The following RMND1 variants were observed in gnomAD, a reference collection of about 807,000 sequenced individuals.
The protein encoded by RMND1 is required for meiotic nuclear division protein 1 homolog.
In RMND1, 41 loss-of-function variants were observed where a neutral mutation model predicts 54.0. The observed-to-expected ratio is 0.76, with a 90% CI of 0.59 to 0.98. The LOEUF is 0.98. Ranked by LOEUF, RMND1 falls within the 50% of genes least tolerant of loss-of-function variation. The pLI, the probability that RMND1 is intolerant of heterozygous loss-of-function variation, is 0.00. For synonymous variants in RMND1, 183 were observed against 181.7 expected (o/e 1.01, Z -0.06); for missense variants, 457 against 532.0 (o/e 0.86, Z 1.39).
At chr6:151,442,563 C>CT (rs1320677215) in intron 2 of RMND1, among the ~76,000 whole-genome samples, 2 of 152,194 alleles carry the variant, frequency 1.3e-5, no homozygotes, top group African/African-American at 4.8e-5. Flanking sequence ...GGGCCTCACT[C>CT]TGTCGCCCAG....
intron 1 of RMND1, among the ~76,000 whole-genome samples, chr6:151,450,793 G>C (rs1023593732): frequency 4.6e-5 from 7 of 152,170 alleles, no homozygotes; most frequent in Non-Finnish European, 1.0e-4. Flanking sequence ...TGAGAAATCG[G>C]ATGGTTGCCG....
intron 10 of RMND1, among the ~76,000 whole-genome samples, chr6:151,413,329 C>T (rs1779913325): frequency 1.3e-5 from 2 of 152,154 alleles, no homozygotes; most frequent in African/African-American, 4.8e-5. Context: ...TCAGCTCAGT[C>T]CAACCTCTGC....
At chr6:151,412,510 T>C (rs1779877364) in intron 10 of RMND1, among the ~76,000 whole-genome samples, 1 of 152,182 alleles carries the variant, frequency 6.6e-6, no homozygotes, top group African/African-American at 2.4e-5. Flanking sequence ...GTGATTAGGT[T>C]GCAAAAGACT....
intron 10 of RMND1, among the ~76,000 whole-genome samples, chr6:151,407,616 G>C (rs1779671960): frequency 6.6e-6 from 1 of 152,090 alleles, no homozygotes; most frequent in Non-Finnish European, 1.5e-5. Flanking sequence ...GTGCAAGCAA[G>C]AGTCCCTATG....
At chr6:151,413,131 G>A (rs999444906) in intron 10 of RMND1, among the ~76,000 whole-genome samples, 1 of 152,294 alleles carries the variant, frequency 6.6e-6, no homozygotes. Flanking sequence ...CAATAACCAC[G>A]AGTGAACTAG....
intron 3 of RMND1, among the ~76,000 whole-genome samples, chr6:151,435,185 G>A (rs375800557): frequency 1.1e-4 from 16 of 149,376 alleles, no homozygotes; most frequent in African/African-American, 3.9e-4. Flanking sequence ...TCACTCTGTC[G>A]CCCAGGTTGG....
chr6:151,410,131 T>C (rs904883901), intron 10 of RMND1, among the ~76,000 whole-genome samples: 4 of 151,394 alleles, frequency 2.6e-5, no homozygotes, highest in Non-Finnish European at 5.9e-5. Context: ...CTCCGCTCAC[T>C]GCAAGCTCTC....
chr6:151,436,842 A>G, intron 2 of RMND1: 1 of 248,500 alleles, frequency 4.0e-6, no homozygotes, highest in Non-Finnish European at 7.9e-6. Context: ...TCTCAAGCAC[A>G]GATTGAATGC....
chr6:151,423,747 T>A, intron 6 of RMND1, 116 bp from the exon 7 acceptor site: 1 of 713,318 alleles, frequency 1.4e-6, no homozygotes, highest in Non-Finnish European at 2.5e-6. Flanking sequence ...GTATCAAGAG[T>A]GTTACAAATG....
intron 10 of RMND1, chr6:151,408,651 G>A (rs922386980): frequency 5.9e-5 from 9 of 152,206 alleles, no homozygotes; most frequent in Non-Finnish European, 1.2e-4. Flanking sequence ...ACCTTAAGAT[G>A]AGATAATCCT....
chr6:151,430,623 G>A (rs2114950094), intron 4 of RMND1, among the ~76,000 whole-genome samples: 1 of 152,330 alleles, frequency 6.6e-6, no homozygotes, highest in Non-Finnish European at 1.5e-5. Flanking sequence ...TTAAGCATCA[G>A]ATGGTTAAAG....
chr6:151,449,892 C>T (rs1228191869), intron 1 of RMND1, among the ~76,000 whole-genome samples: 3 of 152,240 alleles, frequency 2.0e-5, no homozygotes, highest in Non-Finnish European at 4.4e-5. Flanking sequence ...CGCGAGTGAT[C>T]TGCCAGCCTC....
intron 9 of RMND1, chr6:151,420,958 AAT>A (rs1780133906): frequency 4.6e-6 from 1 of 217,170 alleles, no homozygotes; most frequent in African/African-American, 2.3e-5. Flanking sequence ...CAAATTCAGG[AAT>A]ATGTCTTTCT....
rs187274036 is a variant in RMND1, at chr6:151,434,503, A to G, written c.614-1273T>C. On this transcript the variant is annotated intron_variant, in intron 3 of 11. Transcript: ENST00000444024. ...AAGCAAAATAAAATCGACTGAAACA[A>G]CCCAGGGCAGTGAAGCCTGCAATTC... Among the ~76,000 whole-genome samples, 4 of 152,154 alleles carry G rather than the reference A, an allele frequency of 2.6e-5. No homozygotes were observed. The East Asian group carries it at 5.8e-4, about 22-fold the overall frequency.
At chr6:151,437,345 T>C (rs2114960165) in intron 2 of RMND1, among the ~76,000 whole-genome samples, 1 of 152,354 alleles carries the variant, frequency 6.6e-6, no homozygotes, top group African/African-American at 2.4e-5. Context: ...CTTACATGTA[T>C]CTATGTATCT....
intron 2 of RMND1, among the ~76,000 whole-genome samples, chr6:151,444,261 G>A (rs1454151230): frequency 6.6e-6 from 1 of 152,162 alleles, no homozygotes; most frequent in Non-Finnish European, 1.5e-5. Flanking sequence ...TGCCATCTCG[G>A]ACACTTAAAT....
intron 3 of RMND1, chr6:151,436,160 T>A: frequency 8.0e-6 from 2 of 249,422 alleles, no homozygotes; most frequent in East Asian, 9.2e-5. Flanking sequence ...CAAACTAAAA[T>A]AACTTCTTAA....
chr6:151,427,325 G>A lies in RMND1; in HGVS notation c.830+157C>T, dbSNP rs1184245984. Reference sequence around the variant, plus strand: ...CGGGAGGCAGAGGTTGCAGTGAGCCGAGATTGTGCCACTGCACTCCATCCT... The same window carrying A: ...CGGGAGGCAGAGGTTGCAGTGAGCCAAGATTGTGCCACTGCACTCCATCCT... On this transcript the variant is annotated intron_variant, in intron 6 of 11. Transcript: ENST00000444024. Among the ~76,000 whole-genome samples, 6 of 151,354 alleles carry A rather than the reference G, an allele frequency of 4.0e-5. No homozygotes were observed. In the South Asian group the frequency reaches 8.3e-4, roughly 21 times the overall value.
chr6:151,429,492 A>G (rs1393284877), intron 5 of RMND1, among the ~76,000 whole-genome samples: 2 of 152,168 alleles, frequency 1.3e-5, no homozygotes, highest in Non-Finnish European at 2.9e-5. Flanking sequence ...ATTTTTTTAC[A>G]TGATTTCTAA....
Sources: gnomAD v4.1 joint callset for allele counts (sites outside exome capture counted in the v4.1 genomes callset) on GRCh38, gnomAD v4.1.1 for gene constraint, MANE v1.5 for transcripts, NCBI Gene and HGNC (gene_info 2026-07-23, HGNC 2026-07-21) for gene names.